Variants in CTNNA2 observed in about 807,000 individuals in gnomAD.
CTNNA2 encodes catenin alpha-2.
Under a neutral mutation model 101.0 loss-of-function variants are expected in CTNNA2, and 42 were observed. The ratio of observed to expected loss-of-function variants is 0.42; its 90% CI spans 0.32 to 0.54. The LOEUF is 0.54. Among genes scored for constraint, CTNNA2 ranks in the 20% least tolerant of loss-of-function variants. The pLI is 0.14. For missense variants in CTNNA2, 871 were observed against 1,223.1 expected (o/e 0.71, Z 4.29); for synonymous variants, 450 against 456.4 (o/e 0.99, Z 0.18).
At chr2:80,447,323 A>G (rs1683154733) in intron 9 of CTNNA2, among the ~76,000 whole-genome samples, 1 of 152,210 alleles carries the variant, frequency 6.6e-6, no homozygotes, top group Non-Finnish European at 1.5e-5. Context: ...CATTTGGTCC[A>G]TGAAACTCAG....
intron 7 of CTNNA2, among the ~76,000 whole-genome samples, chr2:80,146,011 G>A (rs1457690975): frequency 6.6e-6 from 1 of 152,146 alleles, no homozygotes; most frequent in Admixed American, 6.5e-5. Flanking sequence ...AACTTCCATG[G>A]CCATGCTGTA....
At chr2:80,556,536 A>T (rs1693050433) in intron 12 of CTNNA2, among the ~76,000 whole-genome samples, 1 of 152,138 alleles carries the variant, frequency 6.6e-6, no homozygotes, top group Admixed American at 6.6e-5. Context: ...TGCTATGGTC[A>T]GGTATGGTTA....
intron 2 of CTNNA2, among the ~76,000 whole-genome samples, chr2:79,221,552 T>G (rs1674345481): frequency 6.6e-6 from 1 of 152,148 alleles, no homozygotes; most frequent in Non-Finnish European, 1.5e-5. Flanking sequence ...TTTATAATCA[T>G]CCTCATAAAA....
chr2:80,480,828 C>T (rs920113010), intron 9 of CTNNA2, among the ~76,000 whole-genome samples: 1 of 151,982 alleles, frequency 6.6e-6, no homozygotes, highest in Non-Finnish European at 1.5e-5. Context: ...TCTATTTTTC[C>T]CTGACATGGC....
At chr2:79,902,888 G>T (rs1356727259) in intron 6 of CTNNA2, among the ~76,000 whole-genome samples, 1 of 152,108 alleles carries the variant, frequency 6.6e-6, no homozygotes, top group Non-Finnish European at 1.5e-5. Flanking sequence ...GCCTCCCAAA[G>T]TGCTGGGATT....
At chr2:80,053,432 G>A (rs763770698) in intron 7 of CTNNA2, among the ~76,000 whole-genome samples, 6 of 152,146 alleles carry the variant, frequency 3.9e-5, no homozygotes, top group South Asian at 2.1e-4. Context: ...TATCATTCCC[G>A]TTTTACAAAT....
intron 7 of CTNNA2, among the ~76,000 whole-genome samples, chr2:79,983,934 A>G (rs1280646295): frequency 1.4e-4 from 21 of 152,158 alleles, no homozygotes; most frequent in Non-Finnish European, 2.9e-4. Context: ...AAACTTTGGA[A>G]CATAGTTCTT....
At chr2:79,602,765 C>A (rs1549763) in intron 1 of CTNNA2, among the ~76,000 whole-genome samples, 19,970 of 151,980 alleles carry the variant, frequency 0.13, 2,188 homozygotes, top group African/African-American at 0.3. Flanking sequence ...TTTCATAAGA[C>A]CTTCATGAAA....
At chr2:79,293,244 T>C (rs923342909) in intron 2 of CTNNA2, 2 of 152,166 alleles carry the variant, frequency 1.3e-5, no homozygotes, top group Admixed American at 1.3e-4. Flanking sequence ...GGATTTTACC[T>C]AGAAGATGTG....
intron 7 of CTNNA2, among the ~76,000 whole-genome samples, chr2:80,032,697 GA>G (rs1263340829): frequency 1.3e-5 from 2 of 152,166 alleles, no homozygotes; most frequent in Non-Finnish European, 2.9e-5. Flanking sequence ...TAGCTGGTTA[GA>G]AGATTTAATG....
intron 7 of CTNNA2, among the ~76,000 whole-genome samples, chr2:79,941,418 G>A (rs924464041): frequency 8.5e-5 from 13 of 152,090 alleles, no homozygotes; most frequent in Non-Finnish European, 1.5e-4. Context: ...GTTCCGGGCC[G>A]TTGATTGCAT....
intron 6 of CTNNA2, among the ~76,000 whole-genome samples, chr2:79,884,519 T>C (rs1303535586): frequency 1.3e-5 from 2 of 152,160 alleles, no homozygotes; most frequent in East Asian, 3.9e-4. Context: ...AGGGAGCACA[T>C]TATTATACTG....
chr2:80,100,571 A>C (rs1043035874), intron 7 of CTNNA2, among the ~76,000 whole-genome samples: 3 of 152,120 alleles, frequency 2.0e-5, no homozygotes, highest in Non-Finnish European at 4.4e-5. Flanking sequence ...CAATGTCATG[A>C]GACTACTCTT....
intron 4 of CTNNA2, among the ~76,000 whole-genome samples, chr2:79,389,823 G>A (rs1244101900): frequency 1.3e-5 from 2 of 152,076 alleles, no homozygotes; most frequent in African/African-American, 2.4e-5. Flanking sequence ...AGAGTAAAAT[G>A]TGTTTTTTCA....
intron 9 of CTNNA2, among the ~76,000 whole-genome samples, chr2:80,535,999 C>T (rs1373257781): frequency 6.6e-6 from 1 of 152,148 alleles, no homozygotes; most frequent in East Asian, 1.9e-4. Context: ...AGCTGATCAT[C>T]GAAGGCTGAG....
chr2:80,065,286 G>T (rs1470269478), intron 7 of CTNNA2, among the ~76,000 whole-genome samples: 1 of 152,090 alleles, frequency 6.6e-6, no homozygotes, highest in African/African-American at 2.4e-5. Flanking sequence ...CACTGCTTTT[G>T]GCAGAAGTCG....
At chr2:79,563,882 C>T (rs1239177544) in intron 1 of CTNNA2, among the ~76,000 whole-genome samples, 1 of 152,122 alleles carries the variant, frequency 6.6e-6, no homozygotes, top group Non-Finnish European at 1.5e-5. Flanking sequence ...GGCTAGATTG[C>T]CTGGTATGTT....
At chr2:80,409,766 G>C (rs185782260) in intron 8 of CTNNA2, among the ~76,000 whole-genome samples, 2 of 152,084 alleles carry the variant, frequency 1.3e-5, no homozygotes, top group African/African-American at 2.4e-5. Flanking sequence ...ATTTTGGTAC[G>C]TTTACTCTCA....
chr2:79,229,064 G>A (rs1674457083), intron 2 of CTNNA2, among the ~76,000 whole-genome samples: 1 of 152,182 alleles, frequency 6.6e-6, no homozygotes, highest in African/African-American at 2.4e-5. Context: ...TCAAAAGTAT[G>A]TAGTCATGTG....
Sources: gnomAD v4.1 joint callset for allele counts (sites outside exome capture counted in the v4.1 genomes callset) on GRCh38, gnomAD v4.1.1 for gene constraint, MANE v1.5 for transcripts, NCBI Gene and HGNC (gene_info 2026-07-23, HGNC 2026-07-21) for gene names.